Variants in SH3BGRL3 observed in about 807,000 individuals in gnomAD.
The protein encoded by SH3BGRL3 is SH3 domain-binding glutamic acid-rich-like protein 3.
A neutral mutation model predicts 11.9 loss-of-function variants in SH3BGRL3; 8 were observed. The observed-to-expected ratio is 0.67, with a 90% CI of 0.40 to 1.22. The LOEUF (loss-of-function observed/expected upper bound fraction) is 1.22. SH3BGRL3 is among the 50% of genes most tolerant of loss of function. The probability of loss-of-function intolerance (pLI) is 0.01; values close to 1 mark genes in which losing one functional copy is unlikely to be tolerated. For missense variants in SH3BGRL3, 119 were observed against 120.1 expected (o/e 0.99, Z 0.04); for synonymous variants, 55 against 52.3 (o/e 1.05, Z -0.22).
rs563668048 is a variant in SH3BGRL3 at position 26,280,151 on chromosome 1, C to T, written c.-5C>T. Reference sequence around the variant, plus strand: ...TGCCCGCCGGCCCGTCTGTCTACCCCCAGCATGAGCGGCCTGCGCGTCTAC... The same window carrying T: ...TGCCCGCCGGCCCGTCTGTCTACCCTCAGCATGAGCGGCCTGCGCGTCTAC... On this transcript the variant is annotated 5_prime_UTR_variant, in exon 1 of 3. Transcript: ENST00000270792. 16 of 1,566,424 alleles carry T rather than the reference C, an allele frequency of 1.0e-5. No homozygotes were observed. The African/African-American group carries it at 2.2e-4, about 21-fold the overall frequency.
intron 2 of SH3BGRL3, 24 bp downstream of exon 2, chr1:26,280,956 T>TGGGGGGGGGGG: frequency 9.2e-6 from 7 of 764,828 alleles, no homozygotes; most frequent in Non-Finnish European, 1.3e-5. Flanking sequence ...GACGGGGGGG[T>TGGGGGGGGGGG]GGGGGGAGTG....
chr1:26,280,956 T>TGGGGGGTTGGGGGGGGGGGGGGGGGGGGG, intron 2 of SH3BGRL3, 24 bp downstream of exon 2: 1 of 764,950 alleles, frequency 1.3e-6, no homozygotes, highest in Non-Finnish European at 2.1e-6. Context: ...GACGGGGGGG[T>TGGGGGGTTGGGGGGGGGGGGGGGGGGGGG]GGGGGGAGTG....
rs1349864609 is a variant in SH3BGRL3 at position 26,280,199 on chromosome 1, G to A, written c.44G>A (p.Arg15His). ...RVYSTSVTGS[R>H]EIKSQQSEVT... ...TACAGCACGTCGGTCACCGGCTCCC[G>A]CGAAGTAAGTGCGCGCCCGGACTGG... The change falls in exon 1 of 3, where the codon CGC (arginine) becomes CAC (histidine). Residue 15 changes from arginine to histidine, a missense_variant. By Grantham distance (29) the Arg-to-His change is conservative. Transcript: ENST00000270792. 6.5e-7 allele frequency: 1 copy of A among 1,546,268 alleles called. No homozygotes were observed. Among genetic ancestry groups the A allele is most frequent in the Non-Finnish European group, 8.7e-7 (1 of 1,149,684 alleles).
In SH3BGRL3 at chr1:26,281,109, C is replaced by T; in HGVS notation, c.268C>T (p.Leu90=). The change falls in exon 3 of 3, where the codon CTG becomes TTG. Residue 90 remains leucine (L), a synonymous_variant. Transcript: ENST00000270792. ...AVEQNTLQEF[L]KLA is the part of the protein sequence containing the mutation. The stretch of plus-strand genomic sequence containing the variant: ...GGAACAAAACACGCTGCAGGAGTTC[C>T]TGAAGCTGGCTTGAGTCAAGCCTGT... The T allele has an allele frequency of 6.2e-7, 1 of 1,613,900 alleles. No homozygotes were observed. Among genetic ancestry groups the T allele is most frequent in the Non-Finnish European group, 8.5e-7 (1 of 1,179,956 alleles).
In SH3BGRL3 at chr1:26,281,234, TTA is replaced by T; in HGVS notation, c.*112_*113del. On this transcript the variant is annotated 3_prime_UTR_variant, in exon 3 of 3. Transcript: ENST00000270792. ...ACTCCCTGTCATTCCTAACCTAACC[TTA>T]GAGTCCCTCCCCCAATGCAGGCCAC... 9.6e-7 allele frequency: 1 copy of T among 1,039,600 alleles called. No homozygotes were observed. Among genetic ancestry groups the T allele is most frequent in the Non-Finnish European group, 1.4e-6 (1 of 706,642 alleles). 64.4% of individuals were successfully genotyped at this position (1,039,600 alleles called of 1,614,324 possible).
chr1:26,280,270 G>A (rs2072952365), intron 1 of SH3BGRL3, 67 bp downstream of exon 1: 19 of 1,425,810 alleles, frequency 1.3e-5, no homozygotes, highest in East Asian at 2.7e-5. Context: ...TTGGACCCTA[G>A]CGCCCGGGAC....
Position 26,280,272 on chromosome 1 carries a change from G to A in SH3BGRL3, c.48+69G>A, listed in dbSNP as rs114913699. Reference sequence around the variant, plus strand: ...GTATCCCGGTGCTTTGGACCCTAGCGCCCGGGACCCACCCCCAGGACGGGG... The same window carrying A: ...GTATCCCGGTGCTTTGGACCCTAGCACCCGGGACCCACCCCCAGGACGGGG... On this transcript the variant is annotated intron_variant, in intron 1 of 2. Transcript: ENST00000270792. The A allele has an allele frequency of 2.7e-3, 3,766 of 1,420,100 alleles. 94 individuals carry two copies. In the African/African-American group the frequency reaches 0.05, roughly 19 times the overall value. 88.0% of individuals were successfully genotyped at this position (1,420,100 alleles called of 1,614,324 possible). A position where few individuals can be genotyped will look rare whatever the true frequency, so the allele number is the denominator to read the frequency against.
At chr1:26,280,335 C>T (rs767759427) in intron 1 of SH3BGRL3, 132 bp downstream of exon 1, 16 of 1,100,658 alleles carry the variant, frequency 1.5e-5, no homozygotes, top group Non-Finnish European at 2.0e-5. Context: ...GTGCTGGGCA[C>T]GGTCTCCCGG....
In SH3BGRL3 at chr1:26,280,097, G is replaced by A; in HGVS notation, c.-59G>A. ...AGCACGGCGGCGGCGTCGTCTCCCG[G>A]CAGTGCAGCTGCCGCTACCGCCGCC... On this transcript the variant is annotated 5_prime_UTR_variant, in exon 1 of 3. Transcript: ENST00000270792. 6.5e-7 allele frequency: 1 copy of A among 1,540,150 alleles called. No individual in the cohort carries two copies. Among genetic ancestry groups the A allele is most frequent in the Non-Finnish European group, 8.8e-7 (1 of 1,139,924 alleles).
chr1:26,280,861 G>GAGATGC lies in SH3BGRL3; in HGVS notation c.146_151dup (p.Met50_Arg51insGlnMet). The GAGATGC allele has an allele frequency of 6.2e-7, 1 of 1,612,836 alleles. No individual in the cohort carries two copies. Among genetic ancestry groups the GAGATGC allele is most frequent in the Non-Finnish European group, 8.5e-7 (1 of 1,179,410 alleles). On this transcript the variant is annotated inframe_insertion, in exon 2 of 3. Transcript: ENST00000270792. Reference sequence around the variant, plus strand: ...CTCCCAGGACAACGCCCTGAGGGATGAGATGCGAGCCTTGGCAGGCAACCC... The same window carrying GAGATGC: ...CTCCCAGGACAACGCCCTGAGGGATGAGATGCAGATGCGAGCCTTGGCAGGCAACCC...
At chr1:26,280,410 C>T (rs1166321180) in intron 1 of SH3BGRL3, among the ~76,000 whole-genome samples, 1 of 152,032 alleles carries the variant, frequency 6.6e-6, no homozygotes, top group African/African-American at 2.4e-5. Flanking sequence ...GCAGCCGCGG[C>T]ATGAACTTCC....
intron 2 of SH3BGRL3, 30 bp from the exon 3 acceptor site, chr1:26,281,028 G>A (rs1376056029): frequency 1.2e-6 from 2 of 1,612,576 alleles, no homozygotes; most frequent in Non-Finnish European, 8.5e-7. Context: ...CCTGCATTCA[G>A]GTGACCACCC....
At chr1:26,280,998 G>A (rs1297799189) in intron 2 of SH3BGRL3, 60 bp from the exon 3 acceptor site, 2 of 1,609,648 alleles carry the variant, frequency 1.2e-6, no homozygotes, top group Non-Finnish European at 1.7e-6. Context: ...GGTCATATCT[G>A]CCACAAAGCA....
At position 26,280,198 on chromosome 1, in the gene SH3BGRL3, C is replaced by G; in HGVS notation, c.43C>G (p.Arg15Gly). 1 of 1,547,214 alleles carries G rather than the reference C, an allele frequency of 6.5e-7. No individual in the cohort carries two copies. The highest frequency in any genetic ancestry group is 8.7e-7 in the Non-Finnish European group (1 of 1,150,198). Residue 15 changes from arginine to glycine, a missense_variant, in exon 1 of 3, where the codon CGC (arginine) becomes GGC (glycine). Transcript: ENST00000270792. ...CTACAGCACGTCGGTCACCGGCTCC[C>G]GCGAAGTAAGTGCGCGCCCGGACTG... ...RVYSTSVTGS[R>G]EIKSQQSEVT...
At chr1:26,280,340 T>A in intron 1 of SH3BGRL3, 137 bp downstream of exon 1, 1 of 1,081,778 alleles carries the variant, frequency 9.2e-7, no homozygotes, top group Admixed American at 3.5e-5. Context: ...GGGCACGGTC[T>A]CCCGGACCCG....
Position 26,281,165 on chromosome 1 carries a change from C to G in SH3BGRL3, c.*42C>G. The stretch of plus-strand genomic sequence containing the variant: ...GTTCCCCTGCTGGACTCCATCACCA[C>G]ACTCCCCCCAGCCTTCACCTGGCCA... On this transcript the variant is annotated 3_prime_UTR_variant, in exon 3 of 3. Transcript: ENST00000270792. The G allele has an allele frequency of 6.3e-7, 1 of 1,591,282 alleles. No individual in the cohort carries two copies. Among genetic ancestry groups the G allele is most frequent in the South Asian group, 1.1e-5 (1 of 89,040 alleles).
At chr1:26,280,276 G>A in intron 1 of SH3BGRL3, 73 bp downstream of exon 1, 10 of 1,419,256 alleles carry the variant, frequency 7.0e-6, no homozygotes, top group Non-Finnish European at 9.2e-6. Context: ...CCTAGCGCCC[G>A]GGACCCACCC....
Position 26,280,846 on chromosome 1 carries a change from A to G in SH3BGRL3, c.130A>G (p.Asn44Asp). The G allele has an allele frequency of 6.2e-7, 1 of 1,613,956 alleles. No homozygotes were observed. The highest frequency in any genetic ancestry group is 8.5e-7 in the Non-Finnish European group (1 of 1,179,992). Residue 44 changes from asparagine to aspartate, a missense_variant, in exon 2 of 3, where the codon AAC (asparagine) becomes GAC (aspartate). Transcript: ENST00000270792. Reference protein sequence around the residue: ...QYQLVDISQDNALRDEMRALA... With the variant: ...QYQLVDISQDDALRDEMRALA... Reference sequence around the variant, plus strand: ...CCAGCTAGTGGACATCTCCCAGGACAACGCCCTGAGGGATGAGATGCGAGC... The same window carrying G: ...CCAGCTAGTGGACATCTCCCAGGACGACGCCCTGAGGGATGAGATGCGAGC...
At chr1:26,280,615 TC>T in intron 1 of SH3BGRL3, 149 bp from the exon 2 acceptor site, 1 of 877,614 alleles carries the variant, frequency 1.1e-6, no homozygotes. Context: ...TGACTCATCC[TC>T]CCAACTCCTA....
Sources: allele counts gnomAD v4.1 joint callset (sites outside exome capture counted in the v4.1 genomes callset), GRCh38; gene constraint gnomAD v4.1.1; transcripts MANE v1.5; gene names NCBI Gene and HGNC (gene_info 2026-07-23, HGNC 2026-07-21).